VPS13A: variants seen among roughly 807,000 people sequenced by gnomAD.
VPS13A encodes the protein vacuolar protein sorting 13 homolog A.
A neutral mutation model predicts 390.9 loss-of-function variants in VPS13A; 264 were observed. The ratio of observed to expected loss-of-function variants is 0.68; its 90% CI spans 0.61 to 0.75. VPS13A has a LOEUF of 0.75. VPS13A is among the 30% of genes least tolerant of loss of function. The pLI, the probability that VPS13A is intolerant of heterozygous loss-of-function variation, is 0.00. For synonymous variants in VPS13A, 1,231 were observed against 1,227.1 expected (o/e 1.00, Z -0.07); for missense variants, 3,409 against 3,733.9 (o/e 0.91, Z 2.27).
intron 33 of VPS13A, 105 bp downstream of exon 33, chr9:77,295,951 A>T (rs1196646083): frequency 2.8e-5 from 33 of 1,159,634 alleles, no homozygotes; most frequent in Non-Finnish European, 4.0e-5. Context: ...TTATTTTATT[A>T]ATTATACATA....
intron 52 of VPS13A, among the ~76,000 whole-genome samples, chr9:77,345,585 A>C (rs1366395112): frequency 6.6e-6 from 1 of 151,984 alleles, no homozygotes; most frequent in Non-Finnish European, 1.5e-5. Context: ...TTGAATCTTC[A>C]TGGTTTAGGA....
In VPS13A at chr9:77,220,000, A is replaced by C; in HGVS notation, c.801A>C (p.Arg267=). ...SANAKLVMNR[R]SDFDFSAPKI... is the part of the protein sequence containing the mutation. ...ATGCCAAACTTGTGATGAATCGCCGATCTGATTTTGACTTTTCTGCCCCCA... is the reference window on the plus strand; with the variant it reads ...ATGCCAAACTTGTGATGAATCGCCGCTCTGATTTTGACTTTTCTGCCCCCA... The change falls in exon 11 of 72, where the codon CGA becomes CGC. Residue 267 remains arginine (R), a synonymous_variant. Coordinates refer to ENST00000360280, the MANE Select transcript of VPS13A (RefSeq NM_033305.3). The C allele has an allele frequency of 6.2e-7, 1 of 1,613,584 alleles. No individual in the cohort carries two copies. Among genetic ancestry groups the C allele is most frequent in the Non-Finnish European group, 8.5e-7 (1 of 1,179,694 alleles).
At chr9:77,179,941 C>T (rs1823907879) in intron 1 of VPS13A, among the ~76,000 whole-genome samples, 1 of 152,088 alleles carries the variant, frequency 6.6e-6, no homozygotes, top group Non-Finnish European at 1.5e-5. Flanking sequence ...CTGGACATTT[C>T]ATTTAAATGG....
chr9:77,365,710 T>A (rs1370979778), intron 60 of VPS13A, 137 bp downstream of exon 60: 1 of 571,218 alleles, frequency 1.8e-6, no homozygotes, highest in African/African-American at 1.9e-5. Flanking sequence ...ATTACCCTTT[T>A]ACATTTTTAT....
chr9:77,210,474 G>A lies in VPS13A; in HGVS notation c.496-142G>A, dbSNP rs900934485. The A allele has an allele frequency of 4.0e-6, 3 of 748,746 alleles. No individual in the cohort carries two copies. In the Admixed American group the frequency reaches 6.3e-5, roughly 16 times the overall value. 46.4% of individuals were successfully genotyped at this position (748,746 alleles called of 1,614,324 possible). On this transcript the variant is annotated intron_variant, in intron 6 of 71. Transcript: ENST00000360280. The stretch of plus-strand genomic sequence containing the variant: ...TGTGTTACCCAGGCTGGTCTCCAGA[G>A]CTCAAGCAGTCCTCCTGCCTTGGCC...
At position 77,314,001 on chromosome 9, in the gene VPS13A, T is replaced by A; in HGVS notation, c.4124T>A (p.Val1375Glu). The A allele has an allele frequency of 6.2e-7, 1 of 1,613,038 alleles. No homozygotes were observed. Among genetic ancestry groups the A allele is most frequent in the Non-Finnish European group, 8.5e-7 (1 of 1,179,438 alleles). Residue 1375 changes from valine to glutamate, a missense_variant, in exon 36 of 72, where the codon GTG becomes GAG. Physicochemically the swap from Val to Glu is moderately radical, Grantham distance 121 (BLOSUM62 -2). Coordinates refer to ENST00000360280, the MANE Select transcript of VPS13A (RefSeq NM_033305.3). Reference sequence around the variant, plus strand: ...CTTTAATTTTTTCAAGGAGCAACTGTGGTGACAGCTGCTGTGGTAGAAGTA... The same window carrying A: ...CTTTAATTTTTTCAAGGAGCAACTGAGGTGACAGCTGCTGTGGTAGAAGTA... Reference protein sequence around the residue: ...NASHHSGGATVVTAAVVEVHS... With the variant: ...NASHHSGGATEVTAAVVEVHS...
intron 52 of VPS13A, 64 bp from the exon 53 acceptor site, chr9:77,351,253 G>T: frequency 6.4e-7 from 1 of 1,571,696 alleles, no homozygotes; most frequent in Non-Finnish European, 8.7e-7. Flanking sequence ...TATTATTTTA[G>T]TTTTTTTTTA....
At chr9:77,226,074 AC>A in intron 14 of VPS13A, 86 bp downstream of exon 14, 1 of 1,268,600 alleles carries the variant, frequency 7.9e-7, no homozygotes, top group Middle Eastern at 1.9e-4. Flanking sequence ...TTATACTGTA[AC>A]ATATTGTTTC....
chr9:77,214,322 T>G lies in VPS13A; in HGVS notation c.697-7T>G. On this transcript the variant is annotated splice_polypyrimidine_tract_variant and splice_region_variant and intron_variant, in intron 9 of 71. Coordinates refer to ENST00000360280, the MANE Select transcript of VPS13A (RefSeq NM_033305.3). ...AATATAAATAAAAGCAATTTGTCTT[T>G]TAATAGGACGACTTGAAGAATGGCA... is the stretch of plus-strand genomic sequence containing the variant. The G allele has an allele frequency of 6.2e-7, 1 of 1,612,222 alleles. No homozygotes were observed. The highest frequency in any genetic ancestry group is 8.5e-7 in the Non-Finnish European group (1 of 1,178,590).
At chr9:77,388,941 G>A (rs965835438) in intron 68 of VPS13A, among the ~76,000 whole-genome samples, 1 of 152,076 alleles carries the variant, frequency 6.6e-6, no homozygotes, top group African/African-American at 2.4e-5. Context: ...GGATCCATTT[G>A]CTGACATTGA....
At chr9:77,398,203 A>G (rs562806494) in intron 68 of VPS13A, among the ~76,000 whole-genome samples, 2 of 152,340 alleles carry the variant, frequency 1.3e-5, no homozygotes, top group South Asian at 2.1e-4. Context: ...CTCAGCAACT[A>G]TCAGTATCCA....
chr9:77,275,625 A>G lies in VPS13A; in HGVS notation c.2640A>G (p.Thr880=), dbSNP rs746571518. ...QKQDCSVNMT[T]FKIRFEVPKV... The stretch of plus-strand genomic sequence containing the variant: ...AGGATTGTTCAGTAAATATGACTAC[A>G]TTTAAAATAAGATTTGAAGTACCAA... The change falls in exon 25 of 72, where the codon ACA becomes ACG. Residue 880 remains threonine (T), a synonymous_variant. Coordinates refer to ENST00000360280, the MANE Select transcript of VPS13A (RefSeq NM_033305.3). 1 of 1,613,610 alleles carries G rather than the reference A, an allele frequency of 6.2e-7. No homozygotes were observed. The highest frequency in any genetic ancestry group is 8.5e-7 in the Non-Finnish European group (1 of 1,179,678).
chr9:77,225,887 T>C (rs1350521656), intron 13 of VPS13A, 39 bp from the exon 14 acceptor site: 6 of 1,511,988 alleles, frequency 4.0e-6, no homozygotes, highest in Non-Finnish European at 5.5e-6. Context: ...TGTAAAGTTA[T>C]TTTTGTAAAG....
At chr9:77,299,712 G>T (rs2131385834) in intron 33 of VPS13A, among the ~76,000 whole-genome samples, 1 of 152,204 alleles carries the variant, frequency 6.6e-6, no homozygotes, top group African/African-American at 2.4e-5. Context: ...AAGAAAATGT[G>T]GCACATATAC....
At chr9:77,269,572 G>C (rs1826235743) in intron 23 of VPS13A, among the ~76,000 whole-genome samples, 1 of 152,152 alleles carries the variant, frequency 6.6e-6, no homozygotes, top group South Asian at 2.1e-4. Flanking sequence ...TTCTGGCTGA[G>C]ATTTGGATAG....
chr9:77,378,977 A>C (rs1258496372), intron 67 of VPS13A, among the ~76,000 whole-genome samples: 1 of 150,726 alleles, frequency 6.6e-6, no homozygotes, highest in Non-Finnish European at 1.5e-5. Context: ...TAATTTCCAC[A>C]CACTTGTAAA....
chr9:77,298,912 C>T (rs917839862), intron 33 of VPS13A, among the ~76,000 whole-genome samples: 8 of 152,080 alleles, frequency 5.3e-5, no homozygotes, highest in Admixed American at 2.0e-4. Context: ...TAAGATGTGC[C>T]GCTGTGTCTC....
At chr9:77,232,673 T>TA (rs1372153954) in intron 17 of VPS13A, among the ~76,000 whole-genome samples, 2 of 152,160 alleles carry the variant, frequency 1.3e-5, no homozygotes, top group Non-Finnish European at 2.9e-5. Context: ...TCATATCTTA[T>TA]ATGGAGGCAG....
chr9:77,257,632 G>A (rs565882288), intron 22 of VPS13A, among the ~76,000 whole-genome samples: 3 of 152,124 alleles, frequency 2.0e-5, no homozygotes, highest in Non-Finnish European at 4.4e-5. Context: ...TGGGCATAAT[G>A]GTGCATGCCT....
Sources: allele counts gnomAD v4.1 joint callset (sites outside exome capture counted in the v4.1 genomes callset), GRCh38; gene constraint gnomAD v4.1.1; transcripts MANE v1.5; gene names NCBI Gene and HGNC (gene_info 2026-07-23, HGNC 2026-07-21).